Variants in PRC1 observed in about 807,000 individuals in gnomAD.
The protein encoded by PRC1 is anaphase spindle elongation 1 homolog.
PRC1 carries 54 observed loss-of-function variants against 91.2 expected under a neutral mutation model. The observed-to-expected ratio is 0.59, with a 90% CI of 0.48 to 0.74. The LOEUF (loss-of-function observed/expected upper bound fraction) is 0.74, where lower values mean the gene tolerates loss of function less well. PRC1 is among the 30% of genes least tolerant of loss of function. PRC1 has a pLI of 0.00. For synonymous variants in PRC1, 275 were observed against 263.6 expected, an observed-to-expected ratio of 1.04 and a Z score of -0.42; for missense variants, 727 against 746.2, an observed-to-expected ratio of 0.97 and a Z score of 0.30.
chr15:90,974,262 A>G lies in PRC1; in HGVS notation c.1351-16T>C. On this transcript the variant is annotated splice_polypyrimidine_tract_variant and intron_variant, in intron 10 of 14. Coordinates refer to ENST00000394249, the MANE Select transcript of PRC1 (RefSeq NM_003981.4). This position sits in a 1 kb window ranked among gnomAD's most constrained non-coding sequence, Gnocchi z 4.6. ...TCTTCAGTTGCTGTGTGAAAGTCAGAAGCAACAGTGATAAATCTCAGGAAG... is the reference window on the plus strand; with the variant it reads ...TCTTCAGTTGCTGTGTGAAAGTCAGGAGCAACAGTGATAAATCTCAGGAAG... 1 of 1,593,644 alleles carries G rather than the reference A, an allele frequency of 6.3e-7. No homozygotes were observed. Among genetic ancestry groups the G allele is most frequent in the East Asian group, 2.2e-5 (1 of 44,782 alleles).
At chr15:90,987,605 T>C (rs1029158765) in intron 1 of PRC1, 3 of 152,216 alleles carry the variant, frequency 2.0e-5, no homozygotes, top group South Asian at 2.1e-4. Flanking sequence ...ATTTAAAGAA[T>C]AGAAATTTTT....
At chr15:90,968,578 C>CT in intron 14 of PRC1, 1 of 990,904 alleles carries the variant, frequency 1.0e-6, no homozygotes. Flanking sequence ...TTCATCTATG[C>CT]TTCAGTAGCT....
At chr15:90,969,745 T>C in intron 12 of PRC1, 122 bp from the exon 13 acceptor site, 1 of 394,652 alleles carries the variant, frequency 2.5e-6, no homozygotes, top group Non-Finnish European at 4.1e-6. Context: ...ATCCTATACT[T>C]TTTAGTTAAA....
At chr15:90,970,625 C>A in intron 11 of PRC1, 111 bp from the exon 12 acceptor site, 1 of 757,732 alleles carries the variant, frequency 1.3e-6, no homozygotes. Context: ...CTAGGGAAGA[C>A]GGGTTTACAT....
At chr15:90,969,778 A>C (rs912943957) in intron 12 of PRC1, among the ~76,000 whole-genome samples, 155 bp from the exon 13 acceptor site, 4 of 47,934 alleles carry the variant, frequency 8.3e-5, no homozygotes, top group Admixed American at 7.5e-4. Context: ...ATATATATAT[A>C]TATATATATA....
rs1469957554 is a variant in PRC1 at position 90,974,551 on chromosome 15, T to G, written c.1350+34A>C. On this transcript the variant is annotated intron_variant, in intron 10 of 14. Transcript: ENST00000394249. This position sits in a 1 kb window ranked among gnomAD's most constrained non-coding sequence, Gnocchi z 4.6. The stretch of plus-strand genomic sequence containing the variant: ...TGGGCTGCTCAGATTACTTTCTTCG[T>G]CTTTTCCCAATTTGCGTTCACGTTC... 1 of 1,613,434 alleles carries G rather than the reference T, an allele frequency of 6.2e-7. No homozygotes were observed. The highest frequency in any genetic ancestry group is 8.5e-7 in the Non-Finnish European group (1 of 1,179,820).
At chr15:90,968,689 G>A (rs1596270171) in intron 14 of PRC1, 2 of 1,044,938 alleles carry the variant, frequency 1.9e-6, no homozygotes, top group Non-Finnish European at 2.3e-6. Context: ...TATACTCCAG[G>A]AAATAATCAG....
At chr15:90,988,694 T>A (rs1382630456) in intron 1 of PRC1, 1 of 152,296 alleles carries the variant, frequency 6.6e-6, no homozygotes, top group Non-Finnish European at 1.5e-5. Flanking sequence ...TGGAGAGCTG[T>A]GGACTTGTCA....
chr15:90,976,630 G>T (rs759723862), intron 9 of PRC1, 46 bp downstream of exon 9: 2 of 1,381,590 alleles, frequency 1.4e-6, no homozygotes, highest in East Asian at 4.6e-5. Context: ...CAAATAGTGA[G>T]GTATCTTTGT....
chr15:90,974,078 C>T lies in PRC1; in HGVS notation c.1461+58G>A. ...GGGCTGGCCCCCTTCAAAGAGGTGG[C>T]TGGGACTACCCTCACCCACTCCCTT... On this transcript the variant is annotated intron_variant, in intron 11 of 14. Transcript: ENST00000394249. This position sits in a 1 kb window ranked among gnomAD's most constrained non-coding sequence, Gnocchi z 4.6. 1.4e-6 allele frequency: 2 copies of T among 1,460,628 alleles called. No homozygotes were observed. Among genetic ancestry groups the T allele is most frequent in the South Asian group, 2.3e-5 (2 of 87,336 alleles). The allele number at this position is 1,460,628 out of a possible 1,614,324, so 90.5% of individuals were successfully genotyped here. A position where few individuals can be genotyped will look rare whatever the true frequency, so the allele number is the denominator to read the frequency against.
Position 90,966,849 on chromosome 15 carries a change from A to C in PRC1, c.*282T>G. On this transcript the variant is annotated 3_prime_UTR_variant, in exon 15 of 15. Transcript: ENST00000394249. Reference sequence around the variant, plus strand: ...AAGCTTTGATCATGCTTCAGCAAGTAGAATTATGTGGTAGAGAAGTCAGGC... The same window carrying C: ...AAGCTTTGATCATGCTTCAGCAAGTCGAATTATGTGGTAGAGAAGTCAGGC... The C allele has an allele frequency of 2.0e-6, 1 of 511,918 alleles. No homozygotes were observed. The highest frequency in any genetic ancestry group is 3.6e-5 in the East Asian group (1 of 27,872). The allele number at this position is 511,918 out of a possible 1,614,324, so 31.7% of individuals were successfully genotyped here.
intron 1 of PRC1, among the ~76,000 whole-genome samples, chr15:90,990,235 C>T (rs1008432062): frequency 6.6e-6 from 1 of 151,716 alleles, no homozygotes; most frequent in African/African-American, 2.4e-5. Context: ...ACTCGGGAGG[C>T]TGAGGCAGGA....
In PRC1 at chr15:90,974,124, C is replaced by T. The variant is rs772286438; in HGVS notation, c.1461+12G>A. On this transcript the variant is annotated intron_variant, in intron 11 of 14. Coordinates refer to ENST00000394249, the MANE Select transcript of PRC1 (RefSeq NM_003981.4). The surrounding 1 kb of genome is among the most constrained non-coding windows in gnomAD (Gnocchi z 4.6). ...CCCTTGAAATCAGTGTTTCCCTAAG[C>T]CTTGTGTTTACCTTACGTGCTTTGC... is the stretch of plus-strand genomic sequence containing the variant. The T allele has an allele frequency of 6.2e-7, 1 of 1,609,552 alleles. No individual in the cohort carries two copies. The highest frequency in any genetic ancestry group is 1.7e-5 in the Admixed American group (1 of 60,002).
At chr15:90,968,967 C>A in intron 14 of PRC1, 112 bp downstream of exon 14, 1 of 1,552,242 alleles carries the variant, frequency 6.4e-7, no homozygotes, top group Non-Finnish European at 8.7e-7. Flanking sequence ...TTCCTGCTTC[C>A]TTTGTAACAC....
chr15:90,978,437 T>C (rs759852361), intron 8 of PRC1, among the ~76,000 whole-genome samples: 39 of 152,082 alleles, frequency 2.6e-4, no homozygotes, highest in Non-Finnish European at 5.0e-4. Flanking sequence ...TCTTTGTTCC[T>C]TCCTCCACCA....
At chr15:90,990,815 G>C (rs1295683342) in intron 1 of PRC1, among the ~76,000 whole-genome samples, 1 of 151,270 alleles carries the variant, frequency 6.6e-6, no homozygotes, top group Non-Finnish European at 1.5e-5. Flanking sequence ...GTCTCAGTCT[G>C]GCACCCAGGC....
At chr15:90,985,562 TTC>T (rs2039515223) in intron 1 of PRC1, among the ~76,000 whole-genome samples, 1 of 116,014 alleles carries the variant, frequency 8.6e-6, no homozygotes, top group Middle Eastern at 3.8e-3. Context: ...TATTTTTATT[TTC>T]TTTTTTTTTT....
In PRC1 at chr15:90,984,832, A is replaced by T; in HGVS notation, c.12-7T>A. The T allele has an allele frequency of 6.2e-7, 1 of 1,613,926 alleles. No homozygotes were observed. On this transcript the variant is annotated splice_polypyrimidine_tract_variant and splice_region_variant and intron_variant, in intron 1 of 14. Transcript: ENST00000394249. This position sits in a 1 kb window ranked among gnomAD's most constrained non-coding sequence, Gnocchi z 5.1. ...CTCCTCCGCCAGCACCTCACTGAAA[A>T]CCAAAAACTAAGGCCTGTTAGTTAC...
chr15:90,994,518 G>T lies in PRC1; in HGVS notation c.-101C>A, dbSNP rs1003793704. Reference sequence around the variant, plus strand: ...AACACCGGCGATGTCACTCCGCGTAGCCGCTCCGCGAGCCGTTGAGCCCCG... The same window carrying T: ...AACACCGGCGATGTCACTCCGCGTATCCGCTCCGCGAGCCGTTGAGCCCCG... On this transcript the variant is annotated 5_prime_UTR_variant, in exon 1 of 15. Coordinates refer to ENST00000394249, the MANE Select transcript of PRC1 (RefSeq NM_003981.4). 3.0e-5 allele frequency: 42 copies of T among 1,412,454 alleles called. No individual in the cohort carries two copies. Among genetic ancestry groups the T allele is most frequent in the Admixed American group, 4.7e-5 (2 of 42,842 alleles). The allele number at this position is 1,412,454 out of a possible 1,614,324, so 87.5% of individuals were successfully genotyped here. A position where few individuals can be genotyped will look rare whatever the true frequency, so the allele number is the denominator to read the frequency against.
Sources: gnomAD v4.1 joint callset for allele counts (sites outside exome capture counted in the v4.1 genomes callset) on GRCh38, gnomAD v4.1.1 for gene constraint, Gnocchi (gnomAD v3.1) non-coding constraint, MANE v1.5 for transcripts, NCBI Gene and HGNC (gene_info 2026-07-23, HGNC 2026-07-21) for gene names.